Variants in CNTNAP2 observed in about 807,000 individuals in gnomAD.
CNTNAP2 encodes contactin-associated protein-like 2.
In CNTNAP2, 98 loss-of-function variants were observed where a neutral mutation model predicts 155.2. The ratio of observed to expected loss-of-function variants is 0.63; its 90% CI spans 0.54 to 0.75. The LOEUF (loss-of-function observed/expected upper bound fraction) is 0.75. Ranked by LOEUF, CNTNAP2 falls within the 30% of genes least tolerant of loss-of-function variation. The probability of loss-of-function intolerance (pLI) is 0.00; values close to 1 mark genes in which losing one functional copy is unlikely to be tolerated. For missense variants in CNTNAP2, 1,727 were observed against 1,688.1 expected (o/e 1.02, Z -0.40); for synonymous variants, 651 against 631.2 (o/e 1.03, Z -0.47).
Position 146,679,496 on chromosome 7 carries a change from C to T in CNTNAP2, c.98-94775C>T, listed in dbSNP as rs977597605. Among the ~76,000 whole-genome samples, 7 of 151,902 alleles carry T rather than the reference C, an allele frequency of 4.6e-5. No homozygotes were observed. In the East Asian group the frequency reaches 9.7e-4, roughly 21 times the overall value. On this transcript the variant is annotated intron_variant, in intron 1 of 23. Transcript: ENST00000361727. ...TCAGCCTCCTGAGTGGCTGGGATTA[C>T]AGGCGCCCGCCAACACGCCCAGCTA...
In CNTNAP2 at chr7:147,448,870, G is replaced by A. The variant is rs1331168628; in HGVS notation, c.1671-37065G>A. Among the ~76,000 whole-genome samples the A allele has an allele frequency of 2.0e-5, 3 of 151,940 alleles. No homozygotes were observed. In the East Asian group the frequency reaches 5.8e-4, roughly 29 times the overall value. The stretch of plus-strand genomic sequence containing the variant: ...GTGACTTATTTTATTGTAATCTATT[G>A]TTATGTTAATTTCCCCTATTGCTAC... On this transcript the variant is annotated intron_variant, in intron 10 of 23. Transcript: ENST00000361727.
At chr7:146,215,009 G>A (rs932547920) in intron 1 of CNTNAP2, among the ~76,000 whole-genome samples, 3 of 152,068 alleles carry the variant, frequency 2.0e-5, no homozygotes, top group East Asian at 3.9e-4. Context: ...AATCTGCTCC[G>A]TTTGATAATG....
At chr7:146,941,268 T>C (rs1193056079) in intron 3 of CNTNAP2, among the ~76,000 whole-genome samples, 2 of 152,164 alleles carry the variant, frequency 1.3e-5, no homozygotes, top group African/African-American at 4.8e-5. Flanking sequence ...GTATCAAAGT[T>C]ATTTGCTTTG....
chr7:148,171,630 T>A (rs1366364283), intron 17 of CNTNAP2, among the ~76,000 whole-genome samples: 2 of 152,226 alleles, frequency 1.3e-5, no homozygotes, highest in Non-Finnish European at 2.9e-5. Flanking sequence ...ACAAAAGCAA[T>A]GAAATCTGAT....
chr7:147,540,183 C>T (rs1328993098), intron 11 of CNTNAP2, among the ~76,000 whole-genome samples: 1 of 152,214 alleles, frequency 6.6e-6, no homozygotes, highest in Admixed American at 6.5e-5. Flanking sequence ...TCTGCAGTCT[C>T]ATCAGCTCCT....
chr7:147,343,051 T>A (rs1795791298), intron 9 of CNTNAP2, among the ~76,000 whole-genome samples: 1 of 152,192 alleles, frequency 6.6e-6, no homozygotes, highest in African/African-American at 2.4e-5. Context: ...TTGATTACTC[T>A]TAAGCAGATT....
intron 3 of CNTNAP2, among the ~76,000 whole-genome samples, chr7:146,931,810 T>C (rs1275374377): frequency 6.6e-6 from 1 of 151,566 alleles, no homozygotes; most frequent in Non-Finnish European, 1.5e-5. Flanking sequence ...TACAAACACC[T>C]CTACGCAAAT....
chr7:147,301,754 T>G (rs967131276), intron 9 of CNTNAP2, among the ~76,000 whole-genome samples: 13 of 152,002 alleles, frequency 8.6e-5, no homozygotes, highest in Admixed American at 2.6e-4. Context: ...AGATGAACAA[T>G]AAATATTTAT....
At chr7:146,853,618 G>T (rs1346032956) in intron 3 of CNTNAP2, among the ~76,000 whole-genome samples, 1 of 152,144 alleles carries the variant, frequency 6.6e-6, no homozygotes, top group Non-Finnish European at 1.5e-5. Context: ...ACTGTAACAA[G>T]ATCCTGAGAG....
intron 1 of CNTNAP2, among the ~76,000 whole-genome samples, chr7:146,281,648 A>C (rs1800253514): frequency 6.6e-6 from 1 of 152,074 alleles, no homozygotes; most frequent in Non-Finnish European, 1.5e-5. Flanking sequence ...TACAAAAATT[A>C]GCCAGGTGTG....
At chr7:148,412,657 T>G (rs1799870442) in intron 23 of CNTNAP2, among the ~76,000 whole-genome samples, 1 of 152,232 alleles carries the variant, frequency 6.6e-6, no homozygotes, top group Admixed American at 6.5e-5. Context: ...TAATGAGATT[T>G]TTTTACTTGT....
chr7:147,098,050 G>T (rs971260706), intron 4 of CNTNAP2, among the ~76,000 whole-genome samples: 2 of 152,098 alleles, frequency 1.3e-5, no homozygotes, highest in African/African-American at 2.4e-5. Flanking sequence ...AATGACATAG[G>T]TATCTTCTGA....
chr7:147,458,864 A>G (rs747651682), intron 10 of CNTNAP2, among the ~76,000 whole-genome samples: 73 of 152,218 alleles, frequency 4.8e-4, no homozygotes, highest in Non-Finnish European at 9.4e-4. Flanking sequence ...GCTGGCATAA[A>G]TATTTTGTGA....
At chr7:148,328,976 G>A (rs1170488632) in intron 21 of CNTNAP2, among the ~76,000 whole-genome samples, 7 of 69,244 alleles carry the variant, frequency 1.0e-4, no homozygotes, top group Non-Finnish European at 1.3e-4. Context: ...ACTCTGTCTG[G>A]AAAAAAAAAA....
At chr7:147,133,820 T>C (rs1397757296) in intron 8 of CNTNAP2, among the ~76,000 whole-genome samples, 1 of 152,030 alleles carries the variant, frequency 6.6e-6, no homozygotes, top group Non-Finnish European at 1.5e-5. Context: ...AAATCAAAGG[T>C]ATTGGGAAAT....
chr7:147,601,644 A>AAAAT (rs1299075338), intron 12 of CNTNAP2, among the ~76,000 whole-genome samples: 124 of 87,450 alleles, frequency 1.4e-3, no homozygotes, highest in South Asian at 3.0e-3. Context: ...CTTAAAAAAA[A>AAAAT]ATATATATAT....
chr7:146,250,484 A>C (rs750047929), intron 1 of CNTNAP2, among the ~76,000 whole-genome samples: 23 of 152,170 alleles, frequency 1.5e-4, no homozygotes, highest in Admixed American at 9.2e-4. Flanking sequence ...TGTCTTGTCT[A>C]TCTTGGTATG....
intron 4 of CNTNAP2, among the ~76,000 whole-genome samples, chr7:147,069,190 C>A (rs1261548192): frequency 6.6e-6 from 1 of 152,138 alleles, no homozygotes; most frequent in Admixed American, 6.5e-5. Flanking sequence ...TCACTAGGCC[C>A]CACCTCCAAC....
At chr7:148,118,089 A>G in intron 15 of CNTNAP2, 29 bp from the exon 16 acceptor site, 1 of 1,613,094 alleles carries the variant, frequency 6.2e-7, no homozygotes, top group Non-Finnish European at 8.5e-7. Context: ...GGTGTGAGTT[A>G]ACCTGATTTT....
Sources: allele counts gnomAD v4.1 joint callset (sites outside exome capture counted in the v4.1 genomes callset), GRCh38; gene constraint gnomAD v4.1.1; transcripts MANE v1.5; gene names NCBI Gene and HGNC (gene_info 2026-07-23, HGNC 2026-07-21).